The following ADGRL3 variants were observed in gnomAD, a reference collection of about 807,000 sequenced individuals.
ADGRL3 encodes the protein adhesion G protein-coupled receptor L3, also known as calcium-independent alpha-latrotoxin receptor 3.
In ADGRL3, 62 loss-of-function variants were observed where a neutral mutation model predicts 153.5. The observed-to-expected ratio is 0.40, with a 90% CI of 0.33 to 0.50. ADGRL3 has a LOEUF of 0.50. ADGRL3 is among the 20% of genes least tolerant of loss of function. The pLI is 0.47. For synonymous variants in ADGRL3, 710 were observed against 672.5 expected, an observed-to-expected ratio of 1.06 and a Z score of -0.86; for missense variants, 1,641 against 1,859.4, an observed-to-expected ratio of 0.88 and a Z score of 2.16.
chr4:61,441,959 C>T (rs1027883803), intron 2 of ADGRL3, among the ~76,000 whole-genome samples: 8 of 152,040 alleles, frequency 5.3e-5, no homozygotes, highest in African/African-American at 1.9e-4. Flanking sequence ...AAAGACTACT[C>T]AATGTTTATT....
rs868605104 is a variant in ADGRL3, at chr4:62,075,503, A to G, written c.*4595A>G. 7.2e-5 allele frequency: 11 copies of G among 152,292 alleles called. No homozygotes were observed. In the South Asian group the frequency reaches 1.2e-3, roughly 17 times the overall value. 9.4% of individuals were successfully genotyped at this position (152,292 alleles called of 1,614,324 possible). On this transcript the variant is annotated 3_prime_UTR_variant, in exon 27 of 27. Transcript: ENST00000683033. ...TTGGCATGAATATCCTTTCTTCTCT[A>G]AGAAAATTTTTGAGATAACAATATA...
intron 1 of ADGRL3, among the ~76,000 whole-genome samples, chr4:61,219,634 G>C (rs187576414): frequency 1.4e-4 from 21 of 152,250 alleles, no homozygotes; most frequent in African/African-American, 5.1e-4. Flanking sequence ...TGACTGTATT[G>C]TTTAAGAACT....
chr4:61,737,210 C>A (rs1374865045), intron 8 of ADGRL3, among the ~76,000 whole-genome samples: 2 of 152,152 alleles, frequency 1.3e-5, no homozygotes, highest in East Asian at 3.9e-4. Context: ...AATCTGTAGA[C>A]CCAAAGTGTA....
intron 3 of ADGRL3, among the ~76,000 whole-genome samples, chr4:61,507,544 G>C (rs1304329389): frequency 6.6e-6 from 1 of 152,086 alleles, no homozygotes; most frequent in East Asian, 1.9e-4. Flanking sequence ...AAAAACTAAC[G>C]GAAATTAAGA....
At chr4:61,520,366 A>G (rs757361258) in intron 4 of ADGRL3, among the ~76,000 whole-genome samples, 15 of 152,178 alleles carry the variant, frequency 9.9e-5, no homozygotes, top group Non-Finnish European at 1.6e-4. Context: ...TCTACAAATA[A>G]TGTTCCTACA....
At chr4:61,248,706 G>A (rs1758028057) in intron 1 of ADGRL3, among the ~76,000 whole-genome samples, 1 of 152,136 alleles carries the variant, frequency 6.6e-6, no homozygotes, top group African/African-American at 2.4e-5. Context: ...CAATTTCAAA[G>A]TGAAGAAAAA....
rs559609878 is a variant in ADGRL3 at position 61,428,813 on chromosome 4, T to G, written c.-174+45624T>G. The stretch of plus-strand genomic sequence containing the variant: ...TAACTATCATATATCTCACATGTTC[T>G]GGATATCTAGCTATCATTTATCTAT... On this transcript the variant is annotated intron_variant, in intron 2 of 26. Coordinates refer to ENST00000683033, the MANE Select transcript of ADGRL3 (RefSeq NM_001387552.1). Among the ~76,000 whole-genome samples the G allele has an allele frequency of 5.6e-4, 85 of 151,890 alleles. No homozygotes were observed. In the South Asian group the frequency reaches 0.017, roughly 31 times the overall value.
chr4:61,996,212 T>C (rs2099121142), intron 19 of ADGRL3, 79 bp from the exon 20 acceptor site: 6 of 841,254 alleles, frequency 7.1e-6, no homozygotes, highest in Non-Finnish European at 9.9e-6. Flanking sequence ...CTCACATTCT[T>C]CTCTGTCACA....
intron 4 of ADGRL3, among the ~76,000 whole-genome samples, chr4:61,578,132 G>A (rs1280302522): frequency 3.9e-5 from 6 of 151,960 alleles, no homozygotes; most frequent in Non-Finnish European, 7.4e-5. Flanking sequence ...TGATATTCTT[G>A]TATTTCCTTA....
At chr4:61,720,914 C>T (rs2096231422) in intron 6 of ADGRL3, among the ~76,000 whole-genome samples, 4 of 152,082 alleles carry the variant, frequency 2.6e-5, no homozygotes, top group Admixed American at 2.0e-4. Flanking sequence ...CCAGCTCTAC[C>T]GATTACTAGT....
At chr4:61,753,739 TCAAAGTAAGACTAATTTGATAG>T (rs2096785446) in intron 8 of ADGRL3, among the ~76,000 whole-genome samples, 1 of 152,200 alleles carries the variant, frequency 6.6e-6, no homozygotes, top group South Asian at 2.1e-4. Flanking sequence ...TCCAATTCTA[TCAAAGTAAGACTAATTTGATAG>T]CAAAATAAGT....
intron 1 of ADGRL3, among the ~76,000 whole-genome samples, chr4:61,259,729 G>A (rs1043955515): frequency 2.0e-5 from 3 of 151,858 alleles, no homozygotes; most frequent in African/African-American, 7.3e-5. Context: ...CTTTTTTTCT[G>A]TTACCTTTTT....
chr4:61,392,014 C>G (rs1249947000), intron 2 of ADGRL3, among the ~76,000 whole-genome samples: 1 of 144,536 alleles, frequency 6.9e-6, no homozygotes, highest in Non-Finnish European at 1.5e-5. Flanking sequence ...CGCCTGCCAC[C>G]ACGACCGGCT....
chr4:61,355,335 A>C lies in ADGRL3; in HGVS notation c.-239-27789A>C, dbSNP rs533019557. Among the ~76,000 whole-genome samples the C allele has an allele frequency of 1.2e-4, 19 of 152,214 alleles. 1 individual carries two copies. The South Asian group carries it at 3.9e-3, about 32-fold the overall frequency. ...CTCTGCTGAAGTGCCTTTCTCTCAG[A>C]GGCAATATATCTTATTCTCAGAATA... On this transcript the variant is annotated intron_variant, in intron 1 of 26. Transcript: ENST00000683033.
intron 5 of ADGRL3, among the ~76,000 whole-genome samples, chr4:61,603,924 A>C (rs2099022174): frequency 6.6e-6 from 1 of 152,194 alleles, no homozygotes; most frequent in Non-Finnish European, 1.5e-5. Flanking sequence ...TTCTGAAAGA[A>C]AAAAATCAAT....
intron 4 of ADGRL3, among the ~76,000 whole-genome samples, chr4:61,560,464 T>C (rs1218432271): frequency 2.0e-5 from 3 of 152,078 alleles, no homozygotes; most frequent in Non-Finnish European, 4.4e-5. Flanking sequence ...TACAAATTAA[T>C]GAGTCTTGAA....
chr4:61,653,606 T>C (rs1439186440), intron 5 of ADGRL3, among the ~76,000 whole-genome samples: 1 of 152,212 alleles, frequency 6.6e-6, no homozygotes, highest in Non-Finnish European at 1.5e-5. Flanking sequence ...GAAACCTGTC[T>C]TCCTCCACTT....
At chr4:62,022,612 G>A (rs894440339) in intron 21 of ADGRL3, among the ~76,000 whole-genome samples, 1 of 152,060 alleles carries the variant, frequency 6.6e-6, no homozygotes. Flanking sequence ...AGGAGATAAT[G>A]CAACTGGTGA....
At chr4:61,343,291 C>G (rs1165815444) in intron 1 of ADGRL3, among the ~76,000 whole-genome samples, 2 of 152,228 alleles carry the variant, frequency 1.3e-5, no homozygotes, top group South Asian at 2.1e-4. Context: ...GACTCCTATT[C>G]TTCCAACTCG....
Sources: gnomAD v4.1 joint callset for allele counts (sites outside exome capture counted in the v4.1 genomes callset) on GRCh38, gnomAD v4.1.1 for gene constraint, MANE v1.5 for transcripts, NCBI Gene and HGNC (gene_info 2026-07-23, HGNC 2026-07-21) for gene names.